Variants in VPS13B observed in about 807,000 individuals in gnomAD.
VPS13B encodes the protein vacuolar protein sorting 13 homolog B.
VPS13B carries 285 observed loss-of-function variants against 426.4 expected under a neutral mutation model. The observed-to-expected ratio is 0.67, with a 90% CI of 0.61 to 0.74. The LOEUF (loss-of-function observed/expected upper bound fraction) is 0.74. Among genes scored for constraint, VPS13B ranks in the 30% least tolerant of loss-of-function variants. VPS13B has a pLI of 0.00. For missense variants in VPS13B, 4,537 were observed against 4,782.6 expected, an observed-to-expected ratio of 0.95 and a Z score of 1.51; for synonymous variants, 1,676 against 1,676.4, an observed-to-expected ratio of 1.00 and a Z score of 0.01.
chr8:99,411,184 T>C (rs1815639153), intron 21 of VPS13B, among the ~76,000 whole-genome samples: 1 of 152,178 alleles, frequency 6.6e-6, no homozygotes, highest in African/African-American at 2.4e-5. Context: ...CCATCAATGG[T>C]GTAAAGTGTT....
chr8:99,499,829 A>G (rs1232427602), intron 25 of VPS13B, among the ~76,000 whole-genome samples: 1 of 152,170 alleles, frequency 6.6e-6, no homozygotes, highest in Non-Finnish European at 1.5e-5. Flanking sequence ...ATCCCAGAAC[A>G]CTGTTACTTT....
At chr8:99,133,276 C>T (rs1326445790) in intron 8 of VPS13B, among the ~76,000 whole-genome samples, 5 of 152,306 alleles carry the variant, frequency 3.3e-5, no homozygotes, top group African/African-American at 4.8e-5. Flanking sequence ...CTGCTACTGT[C>T]GGACTTTTCT....
In VPS13B at chr8:99,872,573, C is replaced by T. The variant is rs1209193385; in HGVS notation, c.11745+876C>T. Among the ~76,000 whole-genome samples, 3 of 152,222 alleles carry T rather than the reference C, an allele frequency of 2.0e-5. No homozygotes were observed. The East Asian group carries it at 5.8e-4, about 29-fold the overall frequency. On this transcript the variant is annotated intron_variant, in intron 61 of 61. Transcript: ENST00000357162. ...AGCCCAGGGTAAAAACAGGTGCACC[C>T]ACTGGAAAATTGCTCTCTGCCCCTC...
intron 33 of VPS13B, among the ~76,000 whole-genome samples, chr8:99,616,316 T>TA (rs1272008702): frequency 6.6e-5 from 10 of 151,882 alleles, no homozygotes; most frequent in African/African-American, 1.7e-4. Flanking sequence ...GATAATTTTT[T>TA]AAAAAAAATC....
intron 25 of VPS13B, among the ~76,000 whole-genome samples, chr8:99,489,897 C>A (rs1409586461): frequency 6.6e-6 from 1 of 152,166 alleles, no homozygotes; most frequent in Non-Finnish European, 1.5e-5. Flanking sequence ...CCCTTTATTT[C>A]TTTCTCCTGC....
At chr8:99,334,156 T>C (rs1810695287) in intron 19 of VPS13B, among the ~76,000 whole-genome samples, 1 of 151,972 alleles carries the variant, frequency 6.6e-6, no homozygotes, top group South Asian at 2.1e-4. Flanking sequence ...TTTTTCCAAG[T>C]AGTTATATGA....
At chr8:99,020,301 G>A (rs1430926391) in intron 2 of VPS13B, among the ~76,000 whole-genome samples, 1 of 152,062 alleles carries the variant, frequency 6.6e-6, no homozygotes, top group Admixed American at 6.5e-5. Flanking sequence ...ATGCCTATTT[G>A]AGTCCTTTGC....
intron 3 of VPS13B, among the ~76,000 whole-genome samples, chr8:99,089,525 C>T (rs576816219): frequency 1.3e-5 from 2 of 152,076 alleles, no homozygotes; most frequent in Middle Eastern, 3.4e-3. Context: ...AGCAGGACAA[C>T]GTTAGGAGGA....
intron 43 of VPS13B, among the ~76,000 whole-genome samples, chr8:99,798,632 T>G (rs1436891997): frequency 1.3e-5 from 2 of 152,210 alleles, no homozygotes; most frequent in African/African-American, 2.4e-5. Flanking sequence ...ATATTTCAAG[T>G]GCAAAGCGCC....
intron 16 of VPS13B, among the ~76,000 whole-genome samples, chr8:99,183,083 G>C (rs371280914): frequency 1.3e-5 from 2 of 152,108 alleles, no homozygotes; most frequent in Non-Finnish European, 2.9e-5. Flanking sequence ...AAAAAAAAGA[G>C]GAGGAAGACT....
chr8:99,484,641 GA>G (rs1479630947), intron 25 of VPS13B, among the ~76,000 whole-genome samples: 1 of 152,004 alleles, frequency 6.6e-6, no homozygotes, highest in Admixed American at 6.6e-5. Context: ...GGCTAATTTT[GA>G]AAGAGGTAAA....
chr8:99,231,083 C>A (rs1816297806), intron 17 of VPS13B, among the ~76,000 whole-genome samples: 1 of 152,096 alleles, frequency 6.6e-6, no homozygotes, highest in Non-Finnish European at 1.5e-5. Flanking sequence ...TGAACATATG[C>A]TTATATGCTT....
At chr8:99,858,842 G>C (rs962290781) in intron 56 of VPS13B, among the ~76,000 whole-genome samples, 13 of 152,314 alleles carry the variant, frequency 8.5e-5, no homozygotes, top group African/African-American at 3.1e-4. Context: ...CTTGTCAGAA[G>C]TTTGCATCCC....
At chr8:99,128,085 G>C (rs1377152681) in intron 8 of VPS13B, among the ~76,000 whole-genome samples, 1 of 152,046 alleles carries the variant, frequency 6.6e-6, no homozygotes, top group South Asian at 2.1e-4. Context: ...AGCTCATTAA[G>C]TGGTAATTTT....
At chr8:99,184,244 G>T (rs1382328078) in intron 16 of VPS13B, among the ~76,000 whole-genome samples, 1 of 152,182 alleles carries the variant, frequency 6.6e-6, no homozygotes, top group Non-Finnish European at 1.5e-5. Flanking sequence ...ACCTACAGGG[G>T]TATGGTTGGA....
At chr8:99,321,108 TA>T (rs1289471366) in intron 19 of VPS13B, among the ~76,000 whole-genome samples, 2 of 152,176 alleles carry the variant, frequency 1.3e-5, no homozygotes, top group African/African-American at 4.8e-5. Context: ...TATAAATTAC[TA>T]AAAAACTATC....
chr8:99,579,565 T>A (rs1825948464), intron 33 of VPS13B, among the ~76,000 whole-genome samples: 1 of 150,106 alleles, frequency 6.7e-6, no homozygotes, highest in South Asian at 2.1e-4. Flanking sequence ...GCCCAGCTAA[T>A]TTTTTTGTAT....
At chr8:99,340,725 G>A in intron 19 of VPS13B, 1 of 358,594 alleles carries the variant, frequency 2.8e-6, no homozygotes, top group Non-Finnish European at 5.5e-6. Flanking sequence ...GCAGCCTGGG[G>A]CATGCTAGTA....
At position 99,843,063 on chromosome 8, in the gene VPS13B, G is replaced by GGATC. The variant is rs111860882; in HGVS notation, c.9943-5712_9943-5709dup. 1.6e-3 allele frequency among the ~76,000 whole-genome samples: 243 copies of GGATC among 152,288 alleles called. 3 individuals are homozygous for GGATC. The highest frequency in any genetic ancestry group is 5.7e-3 in the African/African-American group (237 of 41,562). ...AGCTACTCAGGAGGCTGAGGTGGGA[G>GGATC]GATCACCTGAGCCCAGGGAGGCGGA... On this transcript the variant is annotated intron_variant, in intron 54 of 61. Transcript: ENST00000357162.
Sources: allele counts gnomAD v4.1 joint callset (sites outside exome capture counted in the v4.1 genomes callset), GRCh38; gene constraint gnomAD v4.1.1; transcripts MANE v1.5; gene names NCBI Gene and HGNC (gene_info 2026-07-23, HGNC 2026-07-21).